The following HIVEP1 variants were observed in gnomAD, a reference collection of about 807,000 sequenced individuals.
HIVEP1 encodes HIVEP zinc finger 1.
Under a neutral mutation model 180.0 loss-of-function variants are expected in HIVEP1, and 36 were observed. The ratio of observed to expected loss-of-function variants is 0.20; its 90% CI spans 0.15 to 0.26. The LOEUF (loss-of-function observed/expected upper bound fraction) is 0.26, where lower values mean the gene tolerates loss of function less well. HIVEP1 is among the 10% of genes least tolerant of loss of function. The pLI is 1.00. For synonymous variants in HIVEP1, 1,239 were observed against 1,239.0 expected (o/e 1.00, Z 0.00); for missense variants, 3,143 against 3,268.7 (o/e 0.96, Z 0.94).
the HIVEP1 span, among the ~76,000 whole-genome samples, chr6:12,175,041 TCTAA>T: frequency 1.3e-4 from 20 of 152,214 alleles, no homozygotes; most frequent in African/African-American, 4.6e-4. Flanking sequence ...AGATTGTGTC[TCTAA>T]CTGTTGAGTC....
At chr6:12,205,458 A>C in the HIVEP1 span, among the ~76,000 whole-genome samples, 25 of 151,378 alleles carry the variant, frequency 1.7e-4, no homozygotes, top group Non-Finnish European at 3.1e-4. Context: ...GTGACAGAGC[A>C]AGACTCCATC....
intron 3 of HIVEP1, among the ~76,000 whole-genome samples, chr6:12,099,183 G>GGT (rs373744044): frequency 2.9e-5 from 4 of 138,460 alleles, no homozygotes; most frequent in African/African-American, 8.2e-5. Context: ...ATGTCACTGA[G>GGT]TTTTTTTTTT....
At chr6:12,095,290 GGTTT>G (rs1181222037) in intron 3 of HIVEP1, among the ~76,000 whole-genome samples, 1 of 151,324 alleles carries the variant, frequency 6.6e-6, no homozygotes, top group African/African-American at 2.4e-5. Context: ...TTTTTCTTCA[GGTTT>G]GTTCTGTTAC....
In HIVEP1 at chr6:12,120,341, T is replaced by G; in HGVS notation, c.546T>G (p.Ser182=). The G allele has an allele frequency of 6.2e-7, 1 of 1,614,182 alleles. No homozygotes were observed. Among genetic ancestry groups the G allele is most frequent in the East Asian group, 2.2e-5 (1 of 44,884 alleles). Residue 182 remains serine, a synonymous_variant, in exon 4 of 9, where the codon TCT becomes TCG. Coordinates refer to ENST00000379388, the MANE Select transcript of HIVEP1 (RefSeq NM_002114.4). ...CTGACAATAGCGAATGCATCTCTTC[T>G]CATTGTGGCACTACGTCCCCCTCCT... ...TRTDNSECIS[S]HCGTTSPSYT...
the HIVEP1 span, among the ~76,000 whole-genome samples, chr6:12,208,025 C>T: frequency 6.6e-6 from 1 of 152,014 alleles, no homozygotes; most frequent in East Asian, 1.9e-4. Flanking sequence ...GGGCCATGCT[C>T]CCTAAAAATA....
At chr6:12,110,707 CTG>C (rs2113455475) in intron 3 of HIVEP1, among the ~76,000 whole-genome samples, 1 of 152,354 alleles carries the variant, frequency 6.6e-6, no homozygotes, top group Admixed American at 6.5e-5. Context: ...AGCAATAAGA[CTG>C]TTGTGCTTTT....
At chr6:12,205,384 C>T in the HIVEP1 span, among the ~76,000 whole-genome samples, 11 of 151,886 alleles carry the variant, frequency 7.2e-5, no homozygotes, top group South Asian at 6.2e-4. Context: ...AGCAGGAGAA[C>T]GGCGTGAACC....
At chr6:12,168,042 CATATACATATGTGTATATATACATAT>C (rs1421344225), downstream of HIVEP1, among the ~76,000 whole-genome samples, 1,225 of 29,288 alleles carry the variant, frequency 0.042, 90 homozygotes, top group Non-Finnish European at 0.068. Context: ...ATTATATATA[CATATACATATGTGTATATATACATAT>C]ATATGTGTAT....
At chr6:12,162,457 A>T (rs146410114) in intron 8 of HIVEP1, among the ~76,000 whole-genome samples, 3 of 152,226 alleles carry the variant, frequency 2.0e-5, no homozygotes, top group Non-Finnish European at 2.9e-5. Context: ...TCACATTGCT[A>T]CAGCAGCTTG....
At chr6:12,019,968 T>G (rs1224410941) in intron 2 of HIVEP1, among the ~76,000 whole-genome samples, 3 of 152,218 alleles carry the variant, frequency 2.0e-5, no homozygotes, top group African/African-American at 7.2e-5. Flanking sequence ...GTATAGAAAG[T>G]TTGCATGGAT....
rs185723293 is a variant in HIVEP1 at position 12,121,991 on chromosome 6, A to T, written c.2196A>T (p.Pro732=). 1.6e-4 allele frequency: 252 copies of T among 1,614,168 alleles called. 1 individual carries two copies. In the African/African-American group the frequency reaches 3.0e-3, roughly 19 times the overall value. The change falls in exon 4 of 9, where the codon CCA becomes CCT. Residue 732 remains proline, a synonymous_variant. Transcript: ENST00000379388. The surrounding 1 kb of genome is among the most constrained non-coding windows in gnomAD (Gnocchi z 5.3). ...LPTGEKALLL[P]GQMRPPLATK... Reference sequence around the variant, plus strand: ...CAGGGGAAAAGGCATTGCTTTTACCAGGTCAGATGCGCCCACCTTTGGCCA... The same window carrying T: ...CAGGGGAAAAGGCATTGCTTTTACCTGGTCAGATGCGCCCACCTTTGGCCA...
intron 5 of HIVEP1, among the ~76,000 whole-genome samples, chr6:12,130,103 T>G (rs1183055074): frequency 1.3e-5 from 2 of 152,210 alleles, no homozygotes; most frequent in Non-Finnish European, 2.9e-5. Flanking sequence ...GGAAATACTG[T>G]ACAACCTTGA....
intron 2 of HIVEP1, among the ~76,000 whole-genome samples, chr6:12,051,026 A>ATATATATATATATATG (rs1329873734): frequency 3.5e-5 from 5 of 141,222 alleles, no homozygotes; most frequent in African/African-American, 7.9e-5. Flanking sequence ...ATATATATAT[A>ATATATATATATATATG]TATATGTATA....
At chr6:12,157,092 G>A (rs951453262) in intron 7 of HIVEP1, among the ~76,000 whole-genome samples, 1 of 151,996 alleles carries the variant, frequency 6.6e-6, no homozygotes, top group African/African-American at 2.4e-5. Context: ...TCTTTGCTCT[G>A]AAGTCCACTT....
intron 2 of HIVEP1, among the ~76,000 whole-genome samples, chr6:12,065,389 A>G (rs1278378396): frequency 1.3e-5 from 2 of 152,218 alleles, no homozygotes; most frequent in Admixed American, 6.5e-5. Context: ...GAGTGCTCCC[A>G]GTTAGTGTCA....
chr6:12,159,407 T>A (rs1300927031), intron 7 of HIVEP1, among the ~76,000 whole-genome samples: 1 of 149,726 alleles, frequency 6.7e-6, no homozygotes, highest in African/African-American at 2.4e-5. Flanking sequence ...AAAAAAAAAA[T>A]ACCTAATTTG....
chr6:12,045,057 T>G (rs190400713), intron 2 of HIVEP1, among the ~76,000 whole-genome samples: 63 of 152,378 alleles, frequency 4.1e-4, no homozygotes, highest in Non-Finnish European at 7.9e-4. Context: ...ATGAGTTGTT[T>G]AGAACACTAG....
In HIVEP1 at chr6:12,125,404, C is replaced by A. The variant is rs984761406; in HGVS notation, c.5609C>A (p.Thr1870Lys). Residue 1870 changes from threonine to lysine, a missense_variant, in exon 4 of 9, where the codon ACA becomes AAA. Physicochemically the swap from Thr to Lys is moderately conservative, Grantham distance 78 (BLOSUM62 -1). This residue lies in a region of HIVEP1 where 1,357 missense variants were observed against 1,260.5 expected (regional missense o/e 1.08). Coordinates refer to ENST00000379388, the MANE Select transcript of HIVEP1 (RefSeq NM_002114.4). Reference sequence around the variant, plus strand: ...AAGTCATCCACATCATTAACTCTTACAGTTCGAAGTTCACCTGCTCCTTCA... The same window carrying A: ...AAGTCATCCACATCATTAACTCTTAAAGTTCGAAGTTCACCTGCTCCTTCA... ...NIKSSTSLTLTVRSSPAPSEN... is the reference protein window; with the variant it reads ...NIKSSTSLTLKVRSSPAPSEN... The A allele has an allele frequency of 1.9e-6, 3 of 1,613,788 alleles. No homozygotes were observed. The highest frequency in any genetic ancestry group is 2.5e-6 in the Non-Finnish European group (3 of 1,179,802).
At chr6:12,012,168 G>T, upstream of HIVEP1, 1 of 138,778 alleles carries the variant, frequency 7.2e-6, no homozygotes, top group South Asian at 2.1e-4. Context: ...TGGCGGCCGC[G>T]ATCATGCCGT....
Sources: allele counts gnomAD v4.1 joint callset (sites outside exome capture counted in the v4.1 genomes callset), GRCh38; gene constraint gnomAD v4.1.1; regional missense constraint gnomAD v4.1.1; non-coding constraint Gnocchi (gnomAD v3.1); transcripts MANE v1.5; gene names NCBI Gene and HGNC (gene_info 2026-07-23, HGNC 2026-07-21).